The following DMD variants were observed in gnomAD, a reference collection of about 807,000 sequenced individuals.
DMD encodes mutant dystrophin.
In DMD, 63 loss-of-function variants were observed where a neutral mutation model predicts 330.1. The observed-to-expected ratio is 0.19, with a 90% CI of 0.16 to 0.24. The LOEUF is 0.24. DMD is among the 10% of genes least tolerant of loss of function. The probability of loss-of-function intolerance (pLI) is 1.00; values close to 1 mark genes in which losing one functional copy is unlikely to be tolerated. For synonymous variants in DMD, 1,223 were observed against 959.8 expected (o/e 1.27, Z -5.07); for missense variants, 3,344 against 2,684.1 (o/e 1.25, Z -5.43).
chrX:33,096,123 T>C (rs752424850), intron 1 of DMD, among the ~76,000 whole-genome samples: 24 of 108,863 alleles, frequency 2.2e-4, no homozygotes, highest in Admixed American at 4.9e-4. Flanking sequence ...TACAGGCGCC[T>C]GCCACCACGC....
chrX:32,223,809 G>A (rs1184965075), intron 43 of DMD, among the ~76,000 whole-genome samples: 1 of 111,644 alleles, frequency 9.0e-6, no homozygotes, highest in Non-Finnish European at 1.9e-5. Context: ...AATTTGCATG[G>A]CCTGGACCAT....
At chrX:33,057,440 TAAAG>T (rs995621676) in intron 1 of DMD, among the ~76,000 whole-genome samples, 22 of 112,050 alleles carry the variant, frequency 2.0e-4, no homozygotes, top group African/African-American at 6.8e-4. Flanking sequence ...AAGTAAGGAA[TAAAG>T]AAATAAAGTT....
chrX:32,364,990 GGT>G, intron 35 of DMD, 28 bp downstream of exon 35: 1 of 1,199,733 alleles, frequency 8.3e-7, no homozygotes, highest in Non-Finnish European at 1.1e-6. Flanking sequence ...GACAGAGAAG[GGT>G]GTAAAAGCTT....
intron 54 of DMD, among the ~76,000 whole-genome samples, chrX:31,646,052 G>C (rs1025296334): frequency 8.9e-6 from 1 of 111,857 alleles, no homozygotes; most frequent in Non-Finnish European, 1.9e-5. Flanking sequence ...AACCACCAAG[G>C]TATCACCAAC....
intron 12 of DMD, among the ~76,000 whole-genome samples, chrX:32,605,121 A>C (rs2056578153): frequency 9.0e-6 from 1 of 110,957 alleles, no homozygotes; most frequent in South Asian, 3.7e-4. Flanking sequence ...AATAAAGTTG[A>C]AGGCATCACA....
intron 25 of DMD, among the ~76,000 whole-genome samples, chrX:32,462,247 G>C (rs958928653): frequency 3.6e-5 from 4 of 110,717 alleles, no homozygotes. Context: ...TTATAAATTA[G>C]GCATAGTAAG....
intron 60 of DMD, among the ~76,000 whole-genome samples, chrX:31,421,093 G>T (rs1049292706): frequency 8.9e-6 from 1 of 112,302 alleles, no homozygotes; most frequent in Non-Finnish European, 1.9e-5. Flanking sequence ...TAGGTGAGTA[G>T]TTAGCAAGAA....
In DMD at chrX:33,211,496, T is replaced by C; in HGVS notation, c.-184A>G. On this transcript the variant is annotated 5_prime_UTR_variant, in exon 1 of 79. Transcript: ENST00000357033. ...GTAATTGCCTCCCAGATCTGAGTCCTGTAGGGGGAAAGTGAGTGATCCCAA... is the reference window on the plus strand; with the variant it reads ...GTAATTGCCTCCCAGATCTGAGTCCCGTAGGGGGAAAGTGAGTGATCCCAA... 1 of 1,099,244 alleles carries C rather than the reference T, an allele frequency of 9.1e-7. No individual in the cohort carries two copies. The highest frequency in any genetic ancestry group is 1.2e-6 in the Non-Finnish European group (1 of 840,157). The allele number at this position is 1,099,244 out of a possible 1,213,427, so 90.6% of individuals were successfully genotyped here. A position where few individuals can be genotyped will look rare whatever the true frequency, so the allele number is the denominator to read the frequency against.
At chrX:31,178,640 G>C in intron 70 of DMD, 29 bp downstream of exon 70, 10 of 1,195,881 alleles carry the variant, frequency 8.4e-6, no homozygotes, top group Non-Finnish European at 1.1e-5. Context: ...CATCAAACAA[G>C]AGTGTGTTCT....
chrX:31,836,105 C>T (rs918638848), intron 49 of DMD, among the ~76,000 whole-genome samples: 7 of 111,431 alleles, frequency 6.3e-5, no homozygotes, highest in African/African-American at 2.3e-4. Flanking sequence ...ATGTAATAGC[C>T]TGTGAATAAA....
At chrX:32,618,882 G>A (rs1282814654) in intron 11 of DMD, among the ~76,000 whole-genome samples, 1 of 110,911 alleles carries the variant, frequency 9.0e-6, no homozygotes. Flanking sequence ...ATCAGTACAG[G>A]CATCATGGAA....
At chrX:31,859,693 T>C (rs1216753532) in intron 48 of DMD, among the ~76,000 whole-genome samples, 1 of 112,497 alleles carries the variant, frequency 8.9e-6, no homozygotes, top group Non-Finnish European at 1.9e-5. Flanking sequence ...AATAAACAGC[T>C]TCATGAATAT....
intron 78 of DMD, among the ~76,000 whole-genome samples, chrX:31,125,051 C>T (rs2033441775): frequency 9.0e-6 from 1 of 111,164 alleles, no homozygotes; most frequent in African/African-American, 3.3e-5. Context: ...CACCATACAC[C>T]TCAGGTAGTC....
At chrX:32,029,668 C>T (rs5972478) in intron 44 of DMD, among the ~76,000 whole-genome samples, 31,125 of 110,803 alleles carry the variant, frequency 0.28, 3,503 homozygotes, top group African/African-American at 0.43. Flanking sequence ...ACTGAATGAA[C>T]TTAATTTCTT....
intron 62 of DMD, among the ~76,000 whole-genome samples, chrX:31,315,494 GATT>G (rs2055929495): frequency 8.9e-6 from 1 of 112,288 alleles, no homozygotes; most frequent in Non-Finnish European, 1.9e-5. Flanking sequence ...TCTAACACGT[GATT>G]ATGTAAGAAA....
chrX:33,101,901 T>C (rs1479901627), intron 1 of DMD, among the ~76,000 whole-genome samples: 2 of 112,181 alleles, frequency 1.8e-5, no homozygotes, highest in Non-Finnish European at 3.8e-5. Context: ...CAATTGAAGA[T>C]ATTTCAGATA....
At chrX:32,416,554 C>T (rs976014449) in intron 29 of DMD, among the ~76,000 whole-genome samples, 1 of 111,818 alleles carries the variant, frequency 8.9e-6, no homozygotes, top group Non-Finnish European at 1.9e-5. Context: ...AAAACTAAAT[C>T]CCAAATTCCA....
Position 31,925,880 on chromosome X carries a change from A to C in DMD, c.6912+3716T>G, listed in dbSNP as rs778951410. ...GAGCAAAACTCTGTCTCAAAAAAAAAAAAAAAACAAAAAGAAGATTCCTAA... is the reference window on the plus strand; with the variant it reads ...GAGCAAAACTCTGTCTCAAAAAAAACAAAAAAACAAAAAGAAGATTCCTAA... On this transcript the variant is annotated intron_variant, in intron 47 of 78. Coordinates refer to ENST00000357033, the MANE Select transcript of DMD (RefSeq NM_004006.3). Among the ~76,000 whole-genome samples the C allele has an allele frequency of 2.7e-3, 298 of 109,265 alleles. 4 individuals are homozygous for C. The highest frequency in any genetic ancestry group is 9.2e-3 in the African/African-American group (277 of 30,103). 94.9% of individuals were successfully genotyped at this position (109,265 alleles called of 115,157 possible).
intron 4 of DMD, among the ~76,000 whole-genome samples, chrX:32,826,569 C>A (rs963310359): frequency 9.0e-6 from 1 of 111,239 alleles, no homozygotes; most frequent in African/African-American, 3.3e-5. Flanking sequence ...ATCTAGAGTA[C>A]GTTACGTCAA....
Sources: gnomAD v4.1 joint callset for allele counts (sites outside exome capture counted in the v4.1 genomes callset) on GRCh38, gnomAD v4.1.1 for gene constraint, MANE v1.5 for transcripts, NCBI Gene and HGNC (gene_info 2026-07-23, HGNC 2026-07-21) for gene names.